The following ITGA9 variants were observed in gnomAD, a reference collection of about 807,000 sequenced individuals.
ITGA9 encodes integrin subunit alpha 9.
ITGA9 carries 56 observed loss-of-function variants against 127.8 expected under a neutral mutation model. The ratio of observed to expected loss-of-function variants is 0.44; its 90% CI spans 0.35 to 0.55. The LOEUF (loss-of-function observed/expected upper bound fraction) is 0.55, where lower values mean the gene tolerates loss of function less well. ITGA9 is among the 20% of genes least tolerant of loss of function. ITGA9 has a pLI of 0.00. For missense variants in ITGA9, 1,196 were observed against 1,347.1 expected (o/e 0.89, Z 1.76); for synonymous variants, 508 against 514.5 (o/e 0.99, Z 0.17).
chr3:37,761,747 G>T (rs1227115619), intron 23 of ITGA9, among the ~76,000 whole-genome samples: 1 of 152,142 alleles, frequency 6.6e-6, no homozygotes, highest in Non-Finnish European at 1.5e-5. Context: ...TTCTCAAGAC[G>T]CAGGTCACAG....
At chr3:37,801,424 T>G (rs1383574910) in intron 26 of ITGA9, among the ~76,000 whole-genome samples, 1 of 152,186 alleles carries the variant, frequency 6.6e-6, no homozygotes, top group Non-Finnish European at 1.5e-5. Flanking sequence ...AGCTATACAC[T>G]TAGGATACCT....
chr3:37,735,482 T>G (rs1039547879), intron 19 of ITGA9, among the ~76,000 whole-genome samples: 5 of 152,266 alleles, frequency 3.3e-5, no homozygotes, highest in Non-Finnish European at 7.3e-5. Context: ...GTTGCAAATA[T>G]TAGACCATTG....
intron 15 of ITGA9, among the ~76,000 whole-genome samples, chr3:37,618,758 A>G (rs1167973746): frequency 6.6e-6 from 1 of 152,212 alleles, no homozygotes; most frequent in African/African-American, 2.4e-5. Context: ...GGACTCTCCG[A>G]GCTAGGCACG....
At chr3:37,804,897 G>C (rs1697277771) in intron 27 of ITGA9, among the ~76,000 whole-genome samples, 1 of 152,174 alleles carries the variant, frequency 6.6e-6, no homozygotes, top group Non-Finnish European at 1.5e-5. Context: ...AAATAACCAT[G>C]ATGAGCATAG....
intron 18 of ITGA9, among the ~76,000 whole-genome samples, chr3:37,718,057 T>C (rs1183167168): frequency 6.6e-6 from 1 of 152,188 alleles, no homozygotes; most frequent in Admixed American, 6.5e-5. Context: ...GTTCTTCTTC[T>C]TCCTCCTAGG....
At chr3:37,811,992 G>A (rs1455811247) in intron 27 of ITGA9, among the ~76,000 whole-genome samples, 1 of 152,202 alleles carries the variant, frequency 6.6e-6, no homozygotes. Flanking sequence ...CTGTGAAATG[G>A]CTCAGAGAAT....
chr3:37,622,576 C>A (rs1460884167), intron 15 of ITGA9, among the ~76,000 whole-genome samples: 1 of 151,994 alleles, frequency 6.6e-6, no homozygotes. Flanking sequence ...GGCGCAGTGG[C>A]TTATATCTGC....
At chr3:37,795,781 T>C (rs961578430) in intron 26 of ITGA9, among the ~76,000 whole-genome samples, 2 of 152,150 alleles carry the variant, frequency 1.3e-5, no homozygotes, top group Non-Finnish European at 2.9e-5. Flanking sequence ...ATCTTCTCCT[T>C]TCACACCACC....
At chr3:37,790,338 G>A in intron 26 of ITGA9, 1 of 528,352 alleles carries the variant, frequency 1.9e-6, no homozygotes, top group East Asian at 5.2e-5. Context: ...GGAGGCTGTT[G>A]GTAGAGGGGT....
At chr3:37,681,933 A>G (rs946853862) in intron 17 of ITGA9, among the ~76,000 whole-genome samples, 4 of 152,056 alleles carry the variant, frequency 2.6e-5, no homozygotes, top group Non-Finnish European at 5.9e-5. Context: ...GAATTCCCGC[A>G]TGTTCCTACC....
At chr3:37,491,703 T>C (rs1375527043) in intron 4 of ITGA9, among the ~76,000 whole-genome samples, 3 of 152,252 alleles carry the variant, frequency 2.0e-5, no homozygotes, top group Admixed American at 2.0e-4. Flanking sequence ...TGATATAGGC[T>C]GTCCTGCCAT....
chr3:37,777,777 T>C (rs1310386811), intron 24 of ITGA9, among the ~76,000 whole-genome samples: 1 of 152,222 alleles, frequency 6.6e-6, no homozygotes, highest in Admixed American at 6.5e-5. Flanking sequence ...TCCACTAGAA[T>C]GAGTCTAAAC....
intron 3 of ITGA9, among the ~76,000 whole-genome samples, chr3:37,473,680 A>G (rs1184444762): frequency 4.6e-5 from 7 of 152,252 alleles, no homozygotes; most frequent in African/African-American, 9.6e-5. Context: ...AAAATAAAAC[A>G]TATGTGAAAA....
At chr3:37,801,563 G>T (rs531538850) in intron 26 of ITGA9, among the ~76,000 whole-genome samples, 2 of 152,150 alleles carry the variant, frequency 1.3e-5, no homozygotes, top group Non-Finnish European at 2.9e-5. Flanking sequence ...TTGAACCCAG[G>T]ATGCAGAGGT....
At chr3:37,522,502 C>T (rs11929311) in intron 11 of ITGA9, among the ~76,000 whole-genome samples, 6,769 of 152,046 alleles carry the variant, frequency 0.045, 158 homozygotes, top group African/African-American at 0.052. Flanking sequence ...GAGGCAGGAA[C>T]ATCGTTTGAG....
At chr3:37,457,240 A>G (rs908567385) in intron 1 of ITGA9, among the ~76,000 whole-genome samples, 2 of 152,250 alleles carry the variant, frequency 1.3e-5, no homozygotes, top group African/African-American at 4.8e-5. Flanking sequence ...TGGGGGTTCA[A>G]CAATGAAAAC....
In ITGA9 at chr3:37,724,686, C is replaced by T. The variant is rs184772492; in HGVS notation, c.2068-8026C>T. Among the ~76,000 whole-genome samples, 63 of 152,210 alleles carry T rather than the reference C, an allele frequency of 4.1e-4. No homozygotes were observed. The East Asian group carries it at 0.01, about 24-fold the overall frequency. ...TAATTTTTTGTATTTTTATTAGAGA[C>T]GGAGTTTCACCATGTTGGCCAGGCT... On this transcript the variant is annotated intron_variant, in intron 18 of 27. Coordinates refer to ENST00000264741, the MANE Select transcript of ITGA9 (RefSeq NM_002207.3).
chr3:37,613,881 T>C (rs1356173076), intron 15 of ITGA9, among the ~76,000 whole-genome samples: 2 of 152,278 alleles, frequency 1.3e-5, no homozygotes, highest in East Asian at 3.9e-4. Flanking sequence ...GTCAGATGAG[T>C]AGATTGCAAA....
chr3:37,501,842 G>A lies in ITGA9; in HGVS notation c.613-1336G>A, dbSNP rs1219254976. 2.4e-4 allele frequency among the ~76,000 whole-genome samples: 37 copies of A among 152,190 alleles called. 1 individual carries two copies. Among genetic ancestry groups the A allele is most frequent in the Admixed American group, 2.4e-3 (36 of 15,288 alleles). Reference sequence around the variant, plus strand: ...CCAGAATTAGTTTAGAGTGTCCTAGGCATGCAGTCTGAGGGGGCAGTGGCA... The same window carrying A: ...CCAGAATTAGTTTAGAGTGTCCTAGACATGCAGTCTGAGGGGGCAGTGGCA... On this transcript the variant is annotated intron_variant, in intron 5 of 27. Transcript: ENST00000264741.
Sources: gnomAD v4.1 joint callset for allele counts (sites outside exome capture counted in the v4.1 genomes callset) on GRCh38, gnomAD v4.1.1 for gene constraint, MANE v1.5 for transcripts, NCBI Gene and HGNC (gene_info 2026-07-23, HGNC 2026-07-21) for gene names.